The following MLLT1 variants were observed in gnomAD, a reference collection of about 807,000 sequenced individuals.
MLLT1 encodes MLLT1 super elongation complex subunit.
Under a neutral mutation model 55.1 loss-of-function variants are expected in MLLT1, and 11 were observed. That is an observed-to-expected ratio of 0.20 (90% confidence interval 0.13 to 0.33). The LOEUF (loss-of-function observed/expected upper bound fraction) is 0.33, where lower values mean the gene tolerates loss of function less well. Among genes scored for constraint, MLLT1 ranks in the 10% least tolerant of loss-of-function variants. The pLI is 1.00. For synonymous variants in MLLT1, 323 were observed against 320.1 expected (o/e 1.01, Z -0.10); for missense variants, 536 against 760.6 (o/e 0.70, Z 3.47).
chr19:6,260,602 G>A (rs2091296370), intron 3 of MLLT1, among the ~76,000 whole-genome samples: 2 of 152,268 alleles, frequency 1.3e-5, no homozygotes, highest in Admixed American at 1.3e-4. Context: ...CTTGCCTGAG[G>A]GCACTAGGAA....
In MLLT1 at chr19:6,227,591, C is replaced by T. The variant is rs1022833633; in HGVS notation, c.421-489G>A. Among the ~76,000 whole-genome samples the T allele has an allele frequency of 2.0e-5, 3 of 152,238 alleles. No individual in the cohort carries two copies. The highest frequency in any genetic ancestry group is 7.2e-5 in the African/African-American group (3 of 41,458). ...CGGAGAATGAGCCGTCCTTGGTGTG[C>T]GGTGACTGCAGCGGACCCGAACAGG... is the stretch of plus-strand genomic sequence containing the variant. On this transcript the variant is annotated intron_variant, in intron 4 of 11. Transcript: ENST00000252674. The surrounding 1 kb of genome is among the most constrained non-coding windows in gnomAD (Gnocchi z 5.1).
chr19:6,268,998 C>A (rs2091371774), intron 2 of MLLT1, among the ~76,000 whole-genome samples: 8 of 152,208 alleles, frequency 5.3e-5, no homozygotes, highest in Admixed American at 5.2e-4. Context: ...GGGCCCATCC[C>A]TGTGCTCCAG....
chr19:6,223,639 T>C (rs1725746104), intron 5 of MLLT1, among the ~76,000 whole-genome samples: 1 of 152,146 alleles, frequency 6.6e-6, no homozygotes, highest in Non-Finnish European at 1.5e-5. Context: ...GTGTGGGGGC[T>C]GCCAGCACCA....
At position 6,230,865 on chromosome 19, in the gene MLLT1, G is replaced by T. The variant is rs192788443; in HGVS notation, c.277-152C>A. ...CCACTTCTCTCTCAGGGCACCTCCT[G>T]CCCTGCCCTTATTCAAAATCGACCA... On this transcript the variant is annotated intron_variant, in intron 3 of 11. Coordinates refer to ENST00000252674, the MANE Select transcript of MLLT1 (RefSeq NM_005934.4). The surrounding 1 kb of genome is among the most constrained non-coding windows in gnomAD (Gnocchi z 9.0). 300 of 959,048 alleles carry T rather than the reference G, an allele frequency of 3.1e-4. 3 individuals carry two copies. The African/African-American group carries it at 4.5e-3, about 14-fold the overall frequency. The allele number at this position is 959,048 out of a possible 1,614,324, so 59.4% of individuals were successfully genotyped here. A position where few individuals can be genotyped will look rare whatever the true frequency, so the allele number is the denominator to read the frequency against.
chr19:6,228,253 T>C (rs962485078), intron 4 of MLLT1, among the ~76,000 whole-genome samples: 2 of 152,222 alleles, frequency 1.3e-5, no homozygotes, highest in Admixed American at 1.3e-4. Context: ...ACAGACGGGC[T>C]TGCCAGGAGG....
chr19:6,262,553 G>C lies in MLLT1; in HGVS notation c.194-243C>G, dbSNP rs2091314537. ...GACTTGGCCACCGGCATGGTCAGCA[G>C]AGAGTGAGAAGGAACGTTAGCCTGT... On this transcript the variant is annotated intron_variant, in intron 2 of 11. Transcript: ENST00000252674. This position sits in a 1 kb window ranked among gnomAD's most constrained non-coding sequence, Gnocchi z 4.4. 6.6e-6 allele frequency among the ~76,000 whole-genome samples: 1 copy of C among 152,358 alleles called. No homozygotes were observed. Among genetic ancestry groups the C allele is most frequent in the African/African-American group, 2.4e-5 (1 of 41,580 alleles).
At chr19:6,253,147 C>G (rs946048925) in intron 3 of MLLT1, among the ~76,000 whole-genome samples, 8 of 151,218 alleles carry the variant, frequency 5.3e-5, no homozygotes, top group African/African-American at 1.9e-4. Flanking sequence ...CACCCGTAGT[C>G]CCAGCTACTC....
intron 3 of MLLT1, among the ~76,000 whole-genome samples, chr19:6,249,617 T>TC (rs1170600129): frequency 2.0e-5 from 3 of 152,008 alleles, no homozygotes; most frequent in Non-Finnish European, 4.4e-5. Flanking sequence ...GCCACCCGGA[T>TC]CCCCCCTTGA....
At chr19:6,259,536 AC>A (rs1281312146) in intron 3 of MLLT1, 1 of 152,214 alleles carries the variant, frequency 6.6e-6, no homozygotes, top group Non-Finnish European at 1.5e-5. Context: ...CAGCACACAC[AC>A]CACTGCCGCT....
rs1600224436 is a variant in MLLT1, at chr19:6,279,294, G to A, written c.12+479C>T. 5.3e-5 allele frequency among the ~76,000 whole-genome samples: 8 copies of A among 152,282 alleles called. 1 individual carries two copies. Among genetic ancestry groups the A allele is most frequent in the Admixed American group, 5.2e-4 (8 of 15,308 alleles). ...GGAAAGGAGACAGTGACTGGCCCTG[G>A]ACCTAGAGACGGAAAGGTCTACTGG... On this transcript the variant is annotated intron_variant, in intron 1 of 11. Coordinates refer to ENST00000252674, the MANE Select transcript of MLLT1 (RefSeq NM_005934.4).
At chr19:6,225,433 A>G (rs879823181) in intron 5 of MLLT1, among the ~76,000 whole-genome samples, 1 of 152,232 alleles carries the variant, frequency 6.6e-6, no homozygotes, top group African/African-American at 2.4e-5. Flanking sequence ...GAGGTCGCTC[A>G]GCTGGGGAAG....
At chr19:6,245,680 C>T (rs956391678) in intron 3 of MLLT1, among the ~76,000 whole-genome samples, 1 of 151,954 alleles carries the variant, frequency 6.6e-6, no homozygotes, top group Admixed American at 6.5e-5. Context: ...CACTGCACTC[C>T]AGCCTCGGCG....
At chr19:6,242,758 C>T (rs761003145) in intron 3 of MLLT1, among the ~76,000 whole-genome samples, 1 of 152,172 alleles carries the variant, frequency 6.6e-6, no homozygotes, top group African/African-American at 2.4e-5. Context: ...CTGTTGGTAC[C>T]GGGTTCAATA....
At chr19:6,259,833 C>G (rs997548928) in intron 3 of MLLT1, 1 of 99,798 alleles carries the variant, frequency 1.0e-5, no homozygotes, top group Non-Finnish European at 2.0e-5. Context: ...GAAAAACTGG[C>G]CATCCTCCAA....
intron 2 of MLLT1, among the ~76,000 whole-genome samples, chr19:6,267,372 G>C (rs940821986): frequency 4.7e-5 from 7 of 149,046 alleles, no homozygotes; most frequent in African/African-American, 1.7e-4. Context: ...CCAAAGTGCT[G>C]GCATGAACCA....
In MLLT1 at chr19:6,213,292, A is replaced by G. The variant is rs1026997536; in HGVS notation, c.1551+45T>C. ...GGCCCCCGCAGCCCACACTCCTCAC[A>G]GGCACCCCGACCTCTGCCGGGCAGG... On this transcript the variant is annotated intron_variant, in intron 11 of 11. Transcript: ENST00000252674. 3 of 1,610,086 alleles carry G rather than the reference A, an allele frequency of 1.9e-6. No individual in the cohort carries two copies. In the Admixed American group the frequency reaches 5.0e-5, roughly 27 times the overall value.
chr19:6,252,815 T>TA (rs1216933762), intron 3 of MLLT1, among the ~76,000 whole-genome samples: 2 of 151,762 alleles, frequency 1.3e-5, no homozygotes, highest in Admixed American at 6.6e-5. Flanking sequence ...GGCTAGTATT[T>TA]AAAAAAAAGA....
intron 3 of MLLT1, among the ~76,000 whole-genome samples, chr19:6,243,905 A>G (rs7255444): frequency 0.33 from 50,586 of 151,746 alleles, 11,588 homozygotes; most frequent in African/African-American, 0.66. Flanking sequence ...TTAGCCAGGC[A>G]TGGTGGCGGG....
chr19:6,214,247 G>A (rs1000520659), intron 8 of MLLT1, among the ~76,000 whole-genome samples: 1 of 152,206 alleles, frequency 6.6e-6, no homozygotes, highest in Admixed American at 6.5e-5. Flanking sequence ...AGGCCACCCA[G>A]AGGCCCTTTG....
Sources: allele counts gnomAD v4.1 joint callset (sites outside exome capture counted in the v4.1 genomes callset), GRCh38; gene constraint gnomAD v4.1.1; non-coding constraint Gnocchi (gnomAD v3.1); transcripts MANE v1.5; gene names NCBI Gene and HGNC (gene_info 2026-07-23, HGNC 2026-07-21).